Variants in KAZN observed in about 807,000 individuals in gnomAD.
KAZN encodes the protein kazrin.
KAZN carries 40 observed loss-of-function variants against 87.4 expected under a neutral mutation model. The observed-to-expected ratio is 0.46, with a 90% CI of 0.36 to 0.60. The LOEUF (loss-of-function observed/expected upper bound fraction) is 0.60. Among genes scored for constraint, KAZN ranks in the 20% least tolerant of loss-of-function variants. KAZN has a pLI of 0.00. For missense variants in KAZN, 898 were observed against 1,073.9 expected (o/e 0.84, Z 2.29); for synonymous variants, 466 against 458.3 (o/e 1.02, Z -0.22).
intron 1 of KAZN, among the ~76,000 whole-genome samples, chr1:14,943,418 G>A (rs1248798257): frequency 6.6e-6 from 1 of 152,160 alleles, no homozygotes; most frequent in Non-Finnish European, 1.5e-5. Context: ...TTCTACCTGA[G>A]GATTTACATC....
At chr1:14,046,913 A>C (rs1642100483) in intron 1 of KAZN, among the ~76,000 whole-genome samples, 1 of 152,202 alleles carries the variant, frequency 6.6e-6, no homozygotes, top group Non-Finnish European at 1.5e-5. Context: ...AGGGAGGGAC[A>C]ATCGGAAGGC....
intron 2 of KAZN, among the ~76,000 whole-genome samples, chr1:14,181,833 G>A (rs72643193): frequency 0.055 from 8,298 of 152,158 alleles, 395 homozygotes; most frequent in East Asian, 0.26. Context: ...AGCTTTCCTC[G>A]AAATGCCTGG....
At chr1:14,633,649 A>G (rs1679743219) in intron 1 of KAZN, among the ~76,000 whole-genome samples, 2 of 152,158 alleles carry the variant, frequency 1.3e-5, no homozygotes, top group African/African-American at 2.4e-5. Context: ...AGCAGCCTAT[A>G]GGAAACTTAC....
At chr1:14,682,710 G>A (rs936408250) in intron 1 of KAZN, among the ~76,000 whole-genome samples, 2 of 152,272 alleles carry the variant, frequency 1.3e-5, no homozygotes, top group African/African-American at 2.4e-5. Context: ...TTAAAGGAAC[G>A]TGGAATTACC....
chr1:14,230,697 T>A (rs1035570094), intron 2 of KAZN, among the ~76,000 whole-genome samples: 3 of 152,194 alleles, frequency 2.0e-5, no homozygotes, highest in African/African-American at 7.2e-5. Flanking sequence ...TAACCTGCCA[T>A]GGAAGGTGAC....
chr1:14,040,136 A>G (rs1641747729), intron 1 of KAZN, among the ~76,000 whole-genome samples: 1 of 151,794 alleles, frequency 6.6e-6, no homozygotes, highest in South Asian at 2.1e-4. Flanking sequence ...TCTGCTTGTG[A>G]TATTTTTAAC....
chr1:14,368,354 C>A (rs1466140920), intron 2 of KAZN, among the ~76,000 whole-genome samples: 2 of 152,182 alleles, frequency 1.3e-5, no homozygotes, highest in Non-Finnish European at 2.9e-5. Flanking sequence ...CACTCAGATG[C>A]AAGCAGCTGT....
At chr1:14,866,394 T>A (rs1024366479) in intron 1 of KAZN, among the ~76,000 whole-genome samples, 1 of 152,330 alleles carries the variant, frequency 6.6e-6, no homozygotes. Flanking sequence ...CATCTTGTCA[T>A]CCTTCTGTCC....
At chr1:14,638,858 C>T (rs1045590927) in intron 1 of KAZN, among the ~76,000 whole-genome samples, 1 of 152,150 alleles carries the variant, frequency 6.6e-6, no homozygotes, top group African/African-American at 2.4e-5. Flanking sequence ...TCTGCAGTCC[C>T]CCATCCCACC....
At chr1:14,134,838 C>G (rs6692236) in intron 1 of KAZN, among the ~76,000 whole-genome samples, 87,100 of 151,842 alleles carry the variant, frequency 0.57, 26,275 homozygotes, top group East Asian at 0.76. Context: ...GCAATAAAGA[C>G]GGAAAATGGA....
At chr1:13,971,603 TTTG>T (rs147943812) in intron 1 of KAZN, among the ~76,000 whole-genome samples, 271 of 133,864 alleles carry the variant, frequency 2.0e-3, no homozygotes, top group African/African-American at 6.0e-3. Context: ...AGGTTTTTTT[TTTG>T]TTGTTGTTGT....
chr1:14,419,253 C>G (rs571418620), intron 2 of KAZN, among the ~76,000 whole-genome samples: 12 of 152,242 alleles, frequency 7.9e-5, no homozygotes, highest in Admixed American at 7.2e-4. Flanking sequence ...AAACTGAAGC[C>G]CAGAGAAATT....
At chr1:14,081,915 T>C (rs1381006297) in intron 1 of KAZN, among the ~76,000 whole-genome samples, 2 of 152,114 alleles carry the variant, frequency 1.3e-5, no homozygotes, top group Non-Finnish European at 2.9e-5. Flanking sequence ...GGATTACAGG[T>C]GTGTGCCATC....
chr1:13,962,200 C>T (rs1641779243), intron 1 of KAZN, among the ~76,000 whole-genome samples: 1 of 152,050 alleles, frequency 6.6e-6, no homozygotes, highest in African/African-American at 2.4e-5. Flanking sequence ...GGGCTCTGGG[C>T]TGGGTACTTG....
At chr1:14,262,208 G>C (rs1651085081) in intron 2 of KAZN, among the ~76,000 whole-genome samples, 1 of 152,046 alleles carries the variant, frequency 6.6e-6, no homozygotes, top group Non-Finnish European at 1.5e-5. Flanking sequence ...GAGCCCAGGA[G>C]TTTGAGACGA....
chr1:14,560,146 C>A (rs568643053), intron 2 of KAZN, among the ~76,000 whole-genome samples: 32 of 152,228 alleles, frequency 2.1e-4, no homozygotes, highest in African/African-American at 7.5e-4. Flanking sequence ...GGTGGCCACC[C>A]CATATCTGCC....
intron 1 of KAZN, among the ~76,000 whole-genome samples, chr1:14,782,418 C>T (rs115375312): frequency 0.014 from 2,124 of 151,792 alleles, 62 homozygotes; most frequent in African/African-American, 0.047. Flanking sequence ...CATGGTAGCA[C>T]GCACCTGTAA....
intron 1 of KAZN, among the ~76,000 whole-genome samples, chr1:13,951,909 A>T (rs1291782653): frequency 6.6e-6 from 1 of 152,182 alleles, no homozygotes; most frequent in Non-Finnish European, 1.5e-5. Context: ...CTTGGTGGTT[A>T]TCTGGCCTGC....
At chr1:14,525,276 A>G (rs188779272) in intron 2 of KAZN, among the ~76,000 whole-genome samples, 316 of 151,738 alleles carry the variant, frequency 2.1e-3, no homozygotes, top group African/African-American at 7.3e-3. Flanking sequence ...CAATTATGCA[A>G]ACTGTGCTCT....
Sources: gnomAD v4.1 joint callset for allele counts (sites outside exome capture counted in the v4.1 genomes callset) on GRCh38, gnomAD v4.1.1 for gene constraint, MANE v1.5 for transcripts, NCBI Gene and HGNC (gene_info 2026-07-23, HGNC 2026-07-21) for gene names.